CCDC50: variants seen among roughly 807,000 people sequenced by gnomAD.
The protein encoded by CCDC50 is coiled-coil domain containing 50.
A neutral mutation model predicts 70.2 loss-of-function variants in CCDC50; 54 were observed. The observed-to-expected ratio is 0.77, with a 90% CI of 0.62 to 0.96. The LOEUF (loss-of-function observed/expected upper bound fraction) is 0.96. Among genes scored for constraint, CCDC50 ranks in the 50% least tolerant of loss-of-function variants. The pLI, the probability that CCDC50 is intolerant of heterozygous loss-of-function variation, is 0.00. For missense variants in CCDC50, 558 were observed against 578.7 expected (o/e 0.96, Z 0.37); for synonymous variants, 216 against 198.8 (o/e 1.09, Z -0.73).
At chr3:191,350,636 C>T (rs1712076296) in intron 1 of CCDC50, among the ~76,000 whole-genome samples, 1 of 141,142 alleles carries the variant, frequency 7.1e-6, no homozygotes, top group South Asian at 2.2e-4. Flanking sequence ...GGAATGTGCA[C>T]ATTATTTGGA....
chr3:191,357,048 T>C, intron 1 of CCDC50, 40 bp from the exon 2 acceptor site: 1 of 1,292,456 alleles, frequency 7.7e-7, no homozygotes, highest in Non-Finnish European at 1.1e-6. Context: ...AAAGTATTAC[T>C]AATGAGCCTT....
chr3:191,372,000 C>T (rs965326469), intron 5 of CCDC50, among the ~76,000 whole-genome samples: 1 of 152,108 alleles, frequency 6.6e-6, no homozygotes, highest in Non-Finnish European at 1.5e-5. Flanking sequence ...TCTGTAAAAA[C>T]ATTAGGATGA....
At position 191,375,270 on chromosome 3, in the gene CCDC50, C is replaced by CA. The variant is rs1486936268; in HGVS notation, c.659dup (p.Asn220LysfsTer2). On this transcript the variant is annotated frameshift_variant, in exon 6 of 12. Coordinates refer to ENST00000392455, the MANE Select transcript of CCDC50 (RefSeq NM_178335.3). LOFTEE classifies it high-confidence loss of function. ...AAGGGAGGGACAATCCCCATATTAA[C>CA]AATGAGCAGCATGAAAGGAAACGGT... is the stretch of plus-strand genomic sequence containing the variant. 10 of 1,613,606 alleles carry CA rather than the reference C, an allele frequency of 6.2e-6. No individual in the cohort carries two copies. Among genetic ancestry groups the CA allele is most frequent in the Non-Finnish European group, 6.8e-6 (8 of 1,179,816 alleles).
chr3:191,331,694 A>G (rs1463272263), intron 1 of CCDC50, among the ~76,000 whole-genome samples: 1 of 152,156 alleles, frequency 6.6e-6, no homozygotes, highest in East Asian at 1.9e-4. Context: ...TGTCCTACTA[A>G]TGGTGGTGAA....
At chr3:191,370,256 C>T in intron 5 of CCDC50, 1 of 421,030 alleles carries the variant, frequency 2.4e-6, no homozygotes. Flanking sequence ...GGTACATGTG[C>T]ACAACGTGCA....
chr3:191,344,431 T>C (rs997577146), intron 1 of CCDC50, among the ~76,000 whole-genome samples: 18 of 152,346 alleles, frequency 1.2e-4, no homozygotes, highest in Admixed American at 1.2e-3. Context: ...TAAAATTAAA[T>C]TTATATTATA....
Position 191,375,243 on chromosome 3 carries a change from C to T in CCDC50, c.630C>T (p.Gly210=). The T allele has an allele frequency of 6.2e-7, 1 of 1,613,738 alleles. No homozygotes were observed. The highest frequency in any genetic ancestry group is 8.5e-7 in the Non-Finnish European group (1 of 1,179,818). ...GATCCCTGTCATCCTCTAGCTCGGG[C>T]AAAGGGAGGGACAATCCCCATATTA... is the stretch of plus-strand genomic sequence containing the variant. ...SKRSLSSSSS[G]KGRDNPHINN... The change falls in exon 6 of 12, where the codon GGC becomes GGT. Residue 210 remains glycine (G), a synonymous_variant. Coordinates refer to ENST00000392455, the MANE Select transcript of CCDC50 (RefSeq NM_178335.3).
At position 191,361,145 on chromosome 3, in the gene CCDC50, GAGA is replaced by G; in HGVS notation, c.322_324del (p.Lys108del). The G allele has an allele frequency of 3.1e-6, 5 of 1,613,190 alleles. No homozygotes were observed. The highest frequency in any genetic ancestry group is 4.2e-6 in the Non-Finnish European group (5 of 1,179,246). On this transcript the variant is annotated inframe_deletion, in exon 4 of 12. Transcript: ENST00000392455. The stretch of plus-strand genomic sequence containing the variant: ...TGAGGCAGAGAGACGACGCATTCAG[GAGA>G]AGAAGGATGAGGTATAACTTAGTTA...
At chr3:191,329,960 G>A in intron 1 of CCDC50, among the ~76,000 whole-genome samples, 1 of 139,476 alleles carries the variant, frequency 7.2e-6, no homozygotes, top group Non-Finnish European at 1.6e-5. Flanking sequence ...GGGGGGGCTA[G>A]CAGCAGCCCC....
chr3:191,357,455 C>T (rs1263578031), intron 2 of CCDC50, among the ~76,000 whole-genome samples: 3 of 152,096 alleles, frequency 2.0e-5, no homozygotes, highest in Non-Finnish European at 4.4e-5. Flanking sequence ...ATCTGGGGTG[C>T]GTAGAAGGAA....
At chr3:191,334,188 T>A (rs949718611) in intron 1 of CCDC50, among the ~76,000 whole-genome samples, 4 of 152,024 alleles carry the variant, frequency 2.6e-5, no homozygotes, top group Non-Finnish European at 4.4e-5. Flanking sequence ...TAAAAAAAAA[T>A]TTTCCATGGT....
rs1198303904 is a variant in CCDC50, at chr3:191,394,318, A to G, written c.*2558A>G. Reference sequence around the variant, plus strand: ...GAATAAGGAGATAGAAATGAAATTCAGCCAGTTAAATCCTCATACTCTTTC... The same window carrying G: ...GAATAAGGAGATAGAAATGAAATTCGGCCAGTTAAATCCTCATACTCTTTC... On this transcript the variant is annotated 3_prime_UTR_variant, in exon 12 of 12. Transcript: ENST00000392455. 1 of 152,188 alleles carries G rather than the reference A, an allele frequency of 6.6e-6. No individual in the cohort carries two copies. Among genetic ancestry groups the G allele is most frequent in the East Asian group, 1.9e-4 (1 of 5,204 alleles). 9.4% of individuals were successfully genotyped at this position (152,188 alleles called of 1,614,324 possible). A position where few individuals can be genotyped will look rare whatever the true frequency, so the allele number is the denominator to read the frequency against.
chr3:191,347,393 C>A (rs769637317), intron 1 of CCDC50, among the ~76,000 whole-genome samples: 2 of 138,318 alleles, frequency 1.4e-5, no homozygotes, highest in African/African-American at 5.2e-5. Flanking sequence ...CCAGATTGTG[C>A]AAATTCCTGC....
chr3:191,334,366 A>T (rs139358451), intron 1 of CCDC50, among the ~76,000 whole-genome samples: 178 of 152,338 alleles, frequency 1.2e-3, no homozygotes, highest in African/African-American at 4.1e-3. Flanking sequence ...TTTCAAATGG[A>T]TGTAACTGTT....
In CCDC50 at chr3:191,371,390, C is replaced by T. The variant is rs994144494; in HGVS notation, c.448+1354C>T. On this transcript the variant is annotated intron_variant, in intron 5 of 11. Transcript: ENST00000392455. Reference sequence around the variant, plus strand: ...AAAGGAAAGATGTTTCCTGTAGTTTCAAGTGTCAGTATTTAATGAAATTCA... The same window carrying T: ...AAAGGAAAGATGTTTCCTGTAGTTTTAAGTGTCAGTATTTAATGAAATTCA... 2.0e-5 allele frequency among the ~76,000 whole-genome samples: 3 copies of T among 152,246 alleles called. No individual in the cohort carries two copies. The East Asian group carries it at 5.8e-4, about 29-fold the overall frequency.
intron 2 of CCDC50, among the ~76,000 whole-genome samples, chr3:191,357,428 A>G (rs1192520172): frequency 3.9e-5 from 6 of 152,222 alleles, no homozygotes; most frequent in Admixed American, 2.0e-4. Context: ...TAGGAGGGAC[A>G]CAATGGTTGT....
intron 1 of CCDC50, among the ~76,000 whole-genome samples, chr3:191,353,188 C>G (rs1410586353): frequency 7.0e-6 from 1 of 142,166 alleles, no homozygotes; most frequent in African/African-American, 2.5e-5. Context: ...GCCACCATCC[C>G]TAACACTGGG....
intron 1 of CCDC50, among the ~76,000 whole-genome samples, chr3:191,342,138 C>T (rs1711752901): frequency 6.6e-6 from 1 of 152,184 alleles, no homozygotes; most frequent in African/African-American, 2.4e-5. Context: ...TCAAGATTTA[C>T]ACATTTGTTT....
At chr3:191,331,556 CT>C (rs1326901311) in intron 1 of CCDC50, among the ~76,000 whole-genome samples, 1 of 152,098 alleles carries the variant, frequency 6.6e-6, no homozygotes, top group Non-Finnish European at 1.5e-5. Flanking sequence ...CAGTGTGGCT[CT>C]TTCATTAAGT....
Sources: allele counts gnomAD v4.1 joint callset (sites outside exome capture counted in the v4.1 genomes callset), GRCh38; gene constraint gnomAD v4.1.1; transcripts MANE v1.5; gene names NCBI Gene and HGNC (gene_info 2026-07-23, HGNC 2026-07-21).